The following NAALADL2 variants were observed in gnomAD, a reference collection of about 807,000 sequenced individuals.
NAALADL2 encodes the protein N-acetylated alpha-linked acidic dipeptidase like 2, also known as inactive N-acetylated-alpha-linked acidic dipeptidase-like protein 2.
A neutral mutation model predicts 87.2 loss-of-function variants in NAALADL2; 76 were observed. The observed-to-expected ratio is 0.87, with a 90% CI of 0.72 to 1.05. The LOEUF (loss-of-function observed/expected upper bound fraction) is 1.05, where lower values mean the gene tolerates loss of function less well. Among genes scored for constraint, NAALADL2 ranks in the 50% least tolerant of loss-of-function variants. The pLI is 0.00. For synonymous variants in NAALADL2, 354 were observed against 331.0 expected (o/e 1.07, Z -0.75); for missense variants, 1,089 against 945.8 (o/e 1.15, Z -1.99).
At chr3:174,446,414 C>T (rs35413366) in intron 1 of NAALADL2, among the ~76,000 whole-genome samples, 41,426 of 151,894 alleles carry the variant, frequency 0.27, 6,059 homozygotes, top group South Asian at 0.45. Flanking sequence ...TAAAATTACT[C>T]ATGAAATTCT....
At chr3:175,574,333 A>G (rs1215427323) in intron 9 of NAALADL2, among the ~76,000 whole-genome samples, 1 of 152,122 alleles carries the variant, frequency 6.6e-6, no homozygotes, top group Non-Finnish European at 1.5e-5. Flanking sequence ...TTAAATAGGG[A>G]AAATTCCCCA....
intron 3 of NAALADL2, among the ~76,000 whole-genome samples, chr3:174,818,696 G>C (rs940057): frequency 6.6e-6 from 1 of 152,094 alleles, no homozygotes; most frequent in Non-Finnish European, 1.5e-5. Flanking sequence ...AAGATTGACT[G>C]TAAAAAGATT....
intron 2 of NAALADL2, among the ~76,000 whole-genome samples, chr3:175,191,734 T>A (rs1335074152): frequency 1.3e-5 from 2 of 152,210 alleles, no homozygotes; most frequent in African/African-American, 4.8e-5. Context: ...TTTGGGGAGA[T>A]AATGTGTAAG....
intron 3 of NAALADL2, among the ~76,000 whole-genome samples, chr3:174,744,646 A>G (rs1300755573): frequency 6.6e-6 from 1 of 152,164 alleles, no homozygotes; most frequent in Non-Finnish European, 1.5e-5. Context: ...CAAAATATAC[A>G]TTCTTCTCAG....
intron 5 of NAALADL2, among the ~76,000 whole-genome samples, chr3:175,401,167 T>C (rs968605678): frequency 2.5e-4 from 38 of 152,188 alleles, no homozygotes; most frequent in Non-Finnish European, 4.7e-4. Flanking sequence ...GGGTTGAAGA[T>C]ACCAGAAATC....
chr3:174,917,033 A>G (rs964740944), intron 1 of NAALADL2, among the ~76,000 whole-genome samples: 4 of 152,132 alleles, frequency 2.6e-5, no homozygotes, highest in African/African-American at 9.6e-5. Context: ...AGCGTTTCAG[A>G]CTGTAATTCT....
intron 3 of NAALADL2, among the ~76,000 whole-genome samples, chr3:174,812,363 G>A (rs2109300137): frequency 1.3e-5 from 2 of 152,224 alleles, no homozygotes; most frequent in Non-Finnish European, 2.9e-5. Flanking sequence ...ACATCACAGT[G>A]CAACAAGTGC....
intron 9 of NAALADL2, among the ~76,000 whole-genome samples, chr3:175,528,303 C>T (rs1369390680): frequency 1.3e-5 from 2 of 151,908 alleles, no homozygotes; most frequent in Non-Finnish European, 2.9e-5. Context: ...ACTTGGAGTC[C>T]AACGTTCAAG....
chr3:175,632,719 G>A (rs138825210), intron 11 of NAALADL2, among the ~76,000 whole-genome samples: 183 of 152,086 alleles, frequency 1.2e-3, no homozygotes, highest in African/African-American at 4.1e-3. Flanking sequence ...TGGAGAAAGC[G>A]ATGATGACTT....
intron 4 of NAALADL2, among the ~76,000 whole-genome samples, chr3:175,278,949 A>G (rs1021971456): frequency 2.0e-5 from 3 of 152,160 alleles, no homozygotes; most frequent in African/African-American, 7.2e-5. Flanking sequence ...AAGTTAGATT[A>G]TATTTTTGTT....
intron 2 of NAALADL2, among the ~76,000 whole-genome samples, chr3:174,683,328 A>G (rs558122): frequency 0.75 from 113,616 of 152,050 alleles, 42,684 homozygotes; most frequent in East Asian, 0.89. Context: ...AGAGAGATAC[A>G]GGTAGAAGGA....
intron 9 of NAALADL2, among the ~76,000 whole-genome samples, chr3:175,495,092 A>ATATATATTTT (rs754412056): frequency 2.9e-5 from 4 of 136,506 alleles, no homozygotes; most frequent in South Asian, 2.2e-4. Context: ...ATATATATAT[A>ATATATATTTT]TTTTTTTTTA....
chr3:174,629,688 T>A (rs1721920748), intron 2 of NAALADL2, among the ~76,000 whole-genome samples: 1 of 152,214 alleles, frequency 6.6e-6, no homozygotes, highest in South Asian at 2.1e-4. Flanking sequence ...AACAAGTGGC[T>A]CCCTTCTGCA....
chr3:175,706,966 CTATA>C (rs1185448085), intron 11 of NAALADL2, among the ~76,000 whole-genome samples: 1 of 152,024 alleles, frequency 6.6e-6, no homozygotes, highest in East Asian at 1.9e-4. Flanking sequence ...AACTACTTGA[CTATA>C]TGTATATAAT....
intron 9 of NAALADL2, among the ~76,000 whole-genome samples, chr3:175,524,087 G>A (rs1475051227): frequency 6.6e-6 from 1 of 152,178 alleles, no homozygotes; most frequent in Non-Finnish European, 1.5e-5. Flanking sequence ...TGTGAATGGT[G>A]CATCCCACAC....
chr3:174,831,422 A>T (rs34645930), intron 3 of NAALADL2, among the ~76,000 whole-genome samples: 1 of 128,906 alleles, frequency 7.8e-6, no homozygotes, highest in Non-Finnish European at 1.7e-5. Flanking sequence ...ATTGATTTGC[A>T]TATATTGAAC....
At chr3:174,709,667 CAGAT>C (rs945724074) in intron 2 of NAALADL2, among the ~76,000 whole-genome samples, 2 of 152,058 alleles carry the variant, frequency 1.3e-5, no homozygotes, top group East Asian at 1.9e-4. Flanking sequence ...AGACTGGAGA[CAGAT>C]AAGATAAAAA....
At chr3:175,053,156 G>A (rs1286787393) in intron 1 of NAALADL2, among the ~76,000 whole-genome samples, 3 of 152,188 alleles carry the variant, frequency 2.0e-5, no homozygotes, top group African/African-American at 2.4e-5. Flanking sequence ...ATTATGGTAA[G>A]TACTGAGATC....
chr3:174,544,567 C>CTTT (rs10575227), intron 1 of NAALADL2, among the ~76,000 whole-genome samples: 15 of 115,164 alleles, frequency 1.3e-4, no homozygotes, highest in South Asian at 2.9e-4. Flanking sequence ...TTTTTGTTTT[C>CTTT]TTTTTTTTTT....
Sources: gnomAD v4.1 joint callset for allele counts (sites outside exome capture counted in the v4.1 genomes callset) on GRCh38, gnomAD v4.1.1 for gene constraint, MANE v1.5 for transcripts, NCBI Gene and HGNC (gene_info 2026-07-23, HGNC 2026-07-21) for gene names.